The following RSPO2 variants were observed in gnomAD, a reference collection of about 807,000 sequenced individuals.
The protein encoded by RSPO2 is R-spondin 2, also known as R-spondin-2.
RSPO2 carries 14 observed loss-of-function variants against 30.9 expected under a neutral mutation model. That is an observed-to-expected ratio of 0.45 (90% CI 0.30 to 0.71). RSPO2 has a LOEUF of 0.71. Among genes scored for constraint, RSPO2 ranks in the 30% least tolerant of loss-of-function variants. RSPO2 has a pLI of 0.08. For synonymous variants in RSPO2, 107 were observed against 96.4 expected, an observed-to-expected ratio of 1.11 and a Z score of -0.64; for missense variants, 264 against 301.9, an observed-to-expected ratio of 0.87 and a Z score of 0.93.
chr8:108,053,611 G>C (rs929164201), intron 2 of RSPO2, among the ~76,000 whole-genome samples: 4 of 152,018 alleles, frequency 2.6e-5, no homozygotes, highest in South Asian at 4.2e-4. Flanking sequence ...AAATATACTG[G>C]ACATAGTAAG....
intron 2 of RSPO2, among the ~76,000 whole-genome samples, chr8:108,028,036 G>A (rs935489260): frequency 2.0e-5 from 3 of 152,062 alleles, no homozygotes; most frequent in Non-Finnish European, 4.4e-5. Flanking sequence ...ACCACTCAAC[G>A]AATGGGAGTT....
chr8:108,017,308 C>T (rs1810922579), intron 2 of RSPO2, among the ~76,000 whole-genome samples: 1 of 152,162 alleles, frequency 6.6e-6, no homozygotes, highest in African/African-American at 2.4e-5. Flanking sequence ...TGAGCCACTG[C>T]ACCTGGCCAG....
intron 2 of RSPO2, among the ~76,000 whole-genome samples, chr8:108,002,695 A>C (rs186909482): frequency 7.8e-4 from 119 of 152,336 alleles, no homozygotes; most frequent in African/African-American, 2.5e-3. Flanking sequence ...TGTCATAAAC[A>C]CAGCCCTCAA....
chr8:107,973,909 T>C (rs1814111826), intron 3 of RSPO2, among the ~76,000 whole-genome samples: 1 of 152,200 alleles, frequency 6.6e-6, no homozygotes, highest in South Asian at 2.1e-4. Flanking sequence ...CCTAAATGCG[T>C]CCTCAATCTT....
intron 2 of RSPO2, among the ~76,000 whole-genome samples, chr8:108,003,852 T>C (rs1295313439): frequency 5.3e-5 from 8 of 152,202 alleles, no homozygotes; most frequent in Admixed American, 5.2e-4. Context: ...TTGAATGCAG[T>C]TCTGACCTTT....
rs529863211 is a variant in RSPO2 at position 108,017,606 on chromosome 8, AG to A, written c.95-28363del. Among the ~76,000 whole-genome samples the A allele has an allele frequency of 5.9e-3, 901 of 152,300 alleles. 11 individuals carry two copies. The highest frequency in any genetic ancestry group is 0.02 in the African/African-American group (821 of 41,564). ...TACCCAAAGGTTCTGAAAGTAGTCA[AG>A]GGGGGATGGGGAAGTAACAAGAAGG... On this transcript the variant is annotated intron_variant, in intron 2 of 5. Coordinates refer to ENST00000276659, the MANE Select transcript of RSPO2 (RefSeq NM_178565.5).
chr8:107,995,501 C>A (rs1203298876), intron 2 of RSPO2, among the ~76,000 whole-genome samples: 1 of 152,150 alleles, frequency 6.6e-6, no homozygotes, highest in African/African-American at 2.4e-5. Flanking sequence ...ATGAACCAAA[C>A]CAATGTCACC....
In RSPO2 at chr8:107,987,095, C is replaced by T. The variant is rs143351874; in HGVS notation, c.283+1961G>A. ...TAAATATTTCTAACTCTGCTAACGA[C>T]GTAACATCATCCAGTACTTTAGCTA... On this transcript the variant is annotated intron_variant, in intron 3 of 5. Transcript: ENST00000276659. 3.9e-3 allele frequency among the ~76,000 whole-genome samples: 592 copies of T among 152,226 alleles called. 1 individual carries two copies. Among genetic ancestry groups the T allele is most frequent in the Non-Finnish European group, 5.4e-3 (366 of 68,022 alleles).
chr8:108,015,727 C>T (rs1483404040), intron 2 of RSPO2, among the ~76,000 whole-genome samples: 1 of 152,046 alleles, frequency 6.6e-6, no homozygotes, highest in Non-Finnish European at 1.5e-5. Flanking sequence ...CCCACCAGCC[C>T]CACTCCTTGT....
chr8:108,044,037 T>C lies in RSPO2; in HGVS notation c.94+38508A>G, dbSNP rs78958444. Among the ~76,000 whole-genome samples the C allele has an allele frequency of 3.5e-3, 530 of 152,178 alleles. 7 individuals carry two copies. The highest frequency in any genetic ancestry group is 0.011 in the African/African-American group (475 of 41,538). On this transcript the variant is annotated intron_variant, in intron 2 of 5. Transcript: ENST00000276659. ...TGCCTGATACCCAGTAGGGTCTTAATAGATTTTTTGTTCTATGAATCCAAG... is the reference window on the plus strand; with the variant it reads ...TGCCTGATACCCAGTAGGGTCTTAACAGATTTTTTGTTCTATGAATCCAAG...
chr8:107,918,166 C>T (rs1055604993), intron 5 of RSPO2, among the ~76,000 whole-genome samples: 2 of 151,878 alleles, frequency 1.3e-5, no homozygotes, highest in African/African-American at 2.4e-5. Context: ...TTTTTGTTTT[C>T]CAGGGCCAAG....
intron 2 of RSPO2, among the ~76,000 whole-genome samples, chr8:108,006,123 T>C (rs1815444427): frequency 6.6e-6 from 1 of 152,138 alleles, no homozygotes; most frequent in Non-Finnish European, 1.5e-5. Context: ...CACGTTTGTG[T>C]TTGCGGCCAA....
rs576477478 is a variant in RSPO2 at position 107,948,518 on chromosome 8, T to G, written c.616+9562A>C. Reference sequence around the variant, plus strand: ...CCTTGGAGAGGAAACAACAAAAAATTGCAAAAGGTTATCTAAAAATATGAG... The same window carrying G: ...CCTTGGAGAGGAAACAACAAAAAATGGCAAAAGGTTATCTAAAAATATGAG... On this transcript the variant is annotated intron_variant, in intron 5 of 5. Transcript: ENST00000276659. Among the ~76,000 whole-genome samples, 43 of 152,256 alleles carry G rather than the reference T, an allele frequency of 2.8e-4. No individual in the cohort carries two copies. The Middle Eastern group carries it at 0.014, about 48-fold the overall frequency.
chr8:108,082,902 G>T (rs1813255730), intron 1 of RSPO2, 95 bp from the exon 2 acceptor site: 1 of 467,074 alleles, frequency 2.1e-6, no homozygotes, highest in Non-Finnish European at 3.8e-6. Flanking sequence ...AAAGAAGAGA[G>T]GGAAGGAGGA....
At chr8:108,003,402 G>A (rs775742215) in intron 2 of RSPO2, among the ~76,000 whole-genome samples, 95 of 142,696 alleles carry the variant, frequency 6.7e-4, no homozygotes, top group East Asian at 1.5e-3. Context: ...TGGGTAATCC[G>A]CCGACCTCTG....
At chr8:108,053,437 G>A (rs913913944) in intron 2 of RSPO2, among the ~76,000 whole-genome samples, 8 of 152,126 alleles carry the variant, frequency 5.3e-5, no homozygotes, top group Non-Finnish European at 1.2e-4. Context: ...AGAGCCCACA[G>A]ATATTCCTAG....
chr8:108,024,482 T>C (rs924994544), intron 2 of RSPO2, among the ~76,000 whole-genome samples: 6 of 151,980 alleles, frequency 3.9e-5, no homozygotes, highest in Non-Finnish European at 8.8e-5. Context: ...TATGTTACCT[T>C]TGATAGCAGA....
At chr8:107,989,426 CA>C in intron 2 of RSPO2, 182 bp from the exon 3 acceptor site, 1 of 513,790 alleles carries the variant, frequency 1.9e-6, no homozygotes. Context: ...AATACACAAC[CA>C]AACTTAGAAA....
intron 2 of RSPO2, among the ~76,000 whole-genome samples, chr8:108,001,611 C>T (rs1312237563): frequency 6.6e-6 from 1 of 152,126 alleles, no homozygotes; most frequent in East Asian, 1.9e-4. Context: ...ACACCAATAA[C>T]ATTAATTAGT....
Sources: allele counts gnomAD v4.1 joint callset (sites outside exome capture counted in the v4.1 genomes callset), GRCh38; gene constraint gnomAD v4.1.1; transcripts MANE v1.5; gene names NCBI Gene and HGNC (gene_info 2026-07-23, HGNC 2026-07-21).